Variants in NFATC1 observed in about 807,000 individuals in gnomAD.
The protein encoded by NFATC1 is nuclear factor of activated T-cells, cytoplasmic 1.
In NFATC1, 22 loss-of-function variants were observed where a neutral mutation model predicts 76.0. That is an observed-to-expected ratio of 0.29 (90% CI 0.21 to 0.41). The LOEUF is 0.41. Ranked by LOEUF, NFATC1 falls within the 10% of genes least tolerant of loss-of-function variation. NFATC1 has a pLI of 1.00. For missense variants in NFATC1, 1,357 were observed against 1,337.7 expected, an observed-to-expected ratio of 1.01 and a Z score of -0.23; for synonymous variants, 704 against 613.1, an observed-to-expected ratio of 1.15 and a Z score of -2.19.
chr18:79,511,391 G>T (rs571560975), intron 9 of NFATC1, among the ~76,000 whole-genome samples: 2 of 152,164 alleles, frequency 1.3e-5, no homozygotes, highest in African/African-American at 2.4e-5. Context: ...CCGTACCTCC[G>T]TGACTTTTCT....
At chr18:79,525,078 CGTCGTT>C in intron 9 of NFATC1, among the ~76,000 whole-genome samples, 3 of 93,370 alleles carry the variant, frequency 3.2e-5, no homozygotes. Context: ...CACGTCCCAC[CGTCGTT>C]ACCCCTCAGG....
chr18:79,515,119 C>G (rs894935861), intron 9 of NFATC1, among the ~76,000 whole-genome samples: 2 of 152,042 alleles, frequency 1.3e-5, no homozygotes, highest in Non-Finnish European at 2.9e-5. Context: ...CAACGGCGGG[C>G]AGATCACTGT....
At chr18:79,512,506 C>T (rs1286285831) in intron 9 of NFATC1, among the ~76,000 whole-genome samples, 1 of 152,238 alleles carries the variant, frequency 6.6e-6, no homozygotes, top group Admixed American at 6.5e-5. Flanking sequence ...GGAGCAGCAT[C>T]TGTGGCTCCA....
At chr18:79,461,157 G>A (rs1001988020) in intron 6 of NFATC1, among the ~76,000 whole-genome samples, 154 bp from the exon 7 acceptor site, 5 of 152,374 alleles carry the variant, frequency 3.3e-5, no homozygotes, top group Admixed American at 3.3e-4. Flanking sequence ...CTGAGGTGCT[G>A]CCCTCGACAA....
In NFATC1 at chr18:79,410,347, T is replaced by C. The variant is rs1397345731; in HGVS notation, c.128-56T>C. On this transcript the variant is annotated intron_variant, in intron 1 of 9. Coordinates refer to ENST00000427363, the MANE Select transcript of NFATC1 (RefSeq NM_001278669.2). This position sits in a 1 kb window ranked among gnomAD's most constrained non-coding sequence, Gnocchi z 6.7. ...GCTGGCCGGCCCTGAGTTCATGGGT[T>C]TCTGCTTTGTGATGCCCAGCCCCTC... 15 of 1,548,026 alleles carry C rather than the reference T, an allele frequency of 9.7e-6. No homozygotes were observed. The highest frequency in any genetic ancestry group is 1.2e-5 in the Non-Finnish European group (14 of 1,150,280).
chr18:79,449,136 C>G (rs1158020571), intron 4 of NFATC1, 152 bp downstream of exon 4: 6 of 708,660 alleles, frequency 8.5e-6, no homozygotes, highest in Admixed American at 2.9e-5. Flanking sequence ...AAACTTCACT[C>G]TTGCTTTTGA....
chr18:79,430,299 C>G (rs181776121), intron 2 of NFATC1, among the ~76,000 whole-genome samples: 48 of 152,308 alleles, frequency 3.2e-4, no homozygotes, highest in Non-Finnish European at 5.6e-4. Flanking sequence ...CTTTCCTCCT[C>G]TCTCCTCTCT....
In NFATC1 at chr18:79,509,526, C is replaced by T. The variant is rs562633565; in HGVS notation, c.2783-18002C>T. Among the ~76,000 whole-genome samples, 16 of 152,370 alleles carry T rather than the reference C, an allele frequency of 1.1e-4. No homozygotes were observed. In the South Asian group the frequency reaches 1.9e-3, roughly 18 times the overall value. The stretch of plus-strand genomic sequence containing the variant: ...CTCAGACGCCCGCGCAGTGCCATGC[C>T]GTGGGCCTCACATGCAATGCTCCCC... On this transcript the variant is annotated intron_variant, in intron 9 of 9. Transcript: ENST00000427363.
In NFATC1 at chr18:79,410,335, G is replaced by A; in HGVS notation, c.128-68G>A. 6.5e-7 allele frequency: 1 copy of A among 1,533,942 alleles called. No individual in the cohort carries two copies. The highest frequency in any genetic ancestry group is 1.9e-5 in the Admixed American group (1 of 51,736). On this transcript the variant is annotated intron_variant, in intron 1 of 9. Transcript: ENST00000427363. This position sits in a 1 kb window ranked among gnomAD's most constrained non-coding sequence, Gnocchi z 6.7. ...AGGCCGGGGGTTGCTGGCCGGCCCTGAGTTCATGGGTTTCTGCTTTGTGAT... is the reference window on the plus strand; with the variant it reads ...AGGCCGGGGGTTGCTGGCCGGCCCTAAGTTCATGGGTTTCTGCTTTGTGAT...
At chr18:79,488,299 TG>T (rs2089578147) in intron 9 of NFATC1, among the ~76,000 whole-genome samples, 1 of 1,950 alleles carries the variant, frequency 5.1e-4, no homozygotes, top group Non-Finnish European at 1.6e-3. Flanking sequence ...CAGCCCTGGT[TG>T]TGTGTGTGTG....
intron 3 of NFATC1, among the ~76,000 whole-genome samples, chr18:79,435,885 A>C (rs3786184): frequency 0.26 from 39,648 of 152,172 alleles, 5,551 homozygotes; most frequent in African/African-American, 0.37. Context: ...GGTCCCCTGC[A>C]CGGAGAATGT....
At chr18:79,400,544 C>T (rs2085168714) in intron 1 of NFATC1, 5 of 1,269,926 alleles carry the variant, frequency 3.9e-6, no homozygotes, top group Non-Finnish European at 3.0e-6. Flanking sequence ...CGCCCAGGCC[C>T]CCTCCGCGTC....
At chr18:79,445,416 T>C (rs9946069) in intron 3 of NFATC1, among the ~76,000 whole-genome samples, 39,582 of 151,990 alleles carry the variant, frequency 0.26, 5,413 homozygotes, top group African/African-American at 0.36. Context: ...CCATGACAGA[T>C]GCACTCTCCT....
Position 79,448,792 on chromosome 18 carries a change from A to C in NFATC1, c.1397A>C (p.Tyr466Ser), listed in dbSNP as rs1228105698. 1.9e-6 allele frequency: 3 copies of C among 1,613,496 alleles called. No individual in the cohort carries two copies. Among genetic ancestry groups the C allele is most frequent in the Non-Finnish European group, 2.5e-6 (3 of 1,179,816 alleles). Reference protein sequence around the residue: ...GGHPIVQLHGYLENEPLMLQL... With the variant: ...GGHPIVQLHGSLENEPLMLQL... Reference sequence around the variant, plus strand: ...CTGTTCTCTCGCCAGCTGCATGGCTACTTGGAGAATGAGCCGCTGATGCTG... The same window carrying C: ...CTGTTCTCTCGCCAGCTGCATGGCTCCTTGGAGAATGAGCCGCTGATGCTG... The change falls in exon 4 of 10, where the codon TAC (tyrosine) becomes TCC (serine). Residue 466 changes from tyrosine to serine, a missense_variant. By Grantham distance (144) the Tyr-to-Ser change is moderately radical. Transcript: ENST00000427363.
chr18:79,410,965 G>A lies in NFATC1; in HGVS notation c.690G>A (p.Leu230=), dbSNP rs950634570. The A allele has an allele frequency of 3.1e-6, 5 of 1,602,648 alleles. No homozygotes were observed. The highest frequency in any genetic ancestry group is 1.7e-5 in the Admixed American group (1 of 59,544). Residue 230 remains leucine (L), a synonymous_variant, in exon 2 of 10, where the codon CTG becomes CTA. Coordinates refer to ENST00000427363, the MANE Select transcript of NFATC1 (RefSeq NM_001278669.2). The surrounding 1 kb of genome is among the most constrained non-coding windows in gnomAD (Gnocchi z 6.7). ...GFPRGLGACT[L]LGSPRHSPST... ...CCCGCGGGCTGGGGGCCTGCACACT[G>A]CTGGGTTCCCCGCGGCACTCCCCCT...
At position 79,448,806 on chromosome 18, in the gene NFATC1, C is replaced by T; in HGVS notation, c.1411C>T (p.Pro471Ser). 2 of 1,613,720 alleles carry T rather than the reference C, an allele frequency of 1.2e-6. No homozygotes were observed. Among genetic ancestry groups the T allele is most frequent in the South Asian group, 1.1e-5 (1 of 91,076 alleles). ...VQLHGYLENE[P>S]LMLQLFIGTA... The stretch of plus-strand genomic sequence containing the variant: ...GCTGCATGGCTACTTGGAGAATGAG[C>T]CGCTGATGCTGCAGCTTTTCATTGG... The change falls in exon 4 of 10, where the codon CCG (proline) becomes TCG (serine). Residue 471 changes from proline to serine, a missense_variant. Coordinates refer to ENST00000427363, the MANE Select transcript of NFATC1 (RefSeq NM_001278669.2).
chr18:79,469,818 A>T (rs1341629069), intron 8 of NFATC1: 1 of 984,624 alleles, frequency 1.0e-6, no homozygotes. Context: ...GACCAGCCCC[A>T]CCAGCCCCCA....
At chr18:79,522,411 G>T (rs1321563369) in intron 9 of NFATC1, among the ~76,000 whole-genome samples, 1 of 99,388 alleles carries the variant, frequency 1.0e-5, no homozygotes, top group African/African-American at 4.1e-5. Context: ...GTGTCTGGGT[G>T]GGGGGACGTC....
rs1254972147 is a variant in NFATC1, at chr18:79,411,105, A to G, written c.830A>G (p.Tyr277Cys). Reference protein sequence around the residue: ...KYSLNGRQPPYSPHHSPTPSP... With the variant: ...KYSLNGRQPPCSPHHSPTPSP... ...AGCCTCAACGGCCGGCAGCCGCCCT[A>G]CTCACCCCACCACTCGCCCACGCCG... is the stretch of plus-strand genomic sequence containing the variant. Residue 277 changes from tyrosine to cysteine, a missense_variant, in exon 2 of 10, where the codon TAC (tyrosine) becomes TGC (cysteine). Around this residue, in one of 3 missense-constraint regions of NFATC1, gnomAD observed 691 missense variants for 613.1 expected, o/e 1.13. Coordinates refer to ENST00000427363, the MANE Select transcript of NFATC1 (RefSeq NM_001278669.2). 1.2e-6 allele frequency: 2 copies of G among 1,610,846 alleles called. No homozygotes were observed. Among genetic ancestry groups the G allele is most frequent in the Non-Finnish European group, 1.7e-6 (2 of 1,179,370 alleles).
Sources: gnomAD v4.1 joint callset for allele counts (sites outside exome capture counted in the v4.1 genomes callset) on GRCh38, gnomAD v4.1.1 for gene constraint, gnomAD v4.1.1 regional missense constraint, Gnocchi (gnomAD v3.1) non-coding constraint, MANE v1.5 for transcripts, NCBI Gene and HGNC (gene_info 2026-07-23, HGNC 2026-07-21) for gene names.